The following SPAG16 variants were observed in gnomAD, a reference collection of about 807,000 sequenced individuals.
SPAG16 encodes sperm associated antigen 16, also known as sperm-associated antigen 16 protein.
In SPAG16, 86 loss-of-function variants were observed where a neutral mutation model predicts 80.4. That is an observed-to-expected ratio of 1.07 (90% CI 0.90 to 1.28). The LOEUF is 1.28. Among genes scored for constraint, SPAG16 ranks in the 50% most tolerant of loss-of-function variants. The pLI is 0.00. For missense variants in SPAG16, 870 were observed against 765.3 expected, an observed-to-expected ratio of 1.14 and a Z score of -1.61; for synonymous variants, 294 against 265.9, an observed-to-expected ratio of 1.11 and a Z score of -1.03.
At chr2:213,725,612 A>G (rs1250643151) in intron 10 of SPAG16, among the ~76,000 whole-genome samples, 2 of 152,188 alleles carry the variant, frequency 1.3e-5, no homozygotes, top group Non-Finnish European at 2.9e-5. Flanking sequence ...AGCATTTATT[A>G]GGGGAATTTA....
chr2:213,693,154 C>T (rs2065015530), intron 10 of SPAG16, among the ~76,000 whole-genome samples: 1 of 152,200 alleles, frequency 6.6e-6, no homozygotes, highest in Non-Finnish European at 1.5e-5. Flanking sequence ...TTCTTTTTGA[C>T]TCCTCCTGAA....
At chr2:213,672,631 AT>A (rs938751723) in intron 10 of SPAG16, among the ~76,000 whole-genome samples, 2 of 151,980 alleles carry the variant, frequency 1.3e-5, no homozygotes, top group African/African-American at 2.4e-5. Context: ...CATGTCATAT[AT>A]TTTTGCATCC....
At chr2:214,105,098 A>G (rs908130450) in intron 13 of SPAG16, among the ~76,000 whole-genome samples, 19 of 152,096 alleles carry the variant, frequency 1.2e-4, no homozygotes, top group African/African-American at 4.3e-4. Flanking sequence ...GCTGAATCCA[A>G]CCAGAGCCCA....
At chr2:214,394,798 C>A (rs1334707519) in intron 15 of SPAG16, among the ~76,000 whole-genome samples, 1 of 152,124 alleles carries the variant, frequency 6.6e-6, no homozygotes, top group African/African-American at 2.4e-5. Flanking sequence ...TGACGTATAT[C>A]CATCATGATA....
At chr2:213,997,904 A>G (rs2046605346) in intron 12 of SPAG16, among the ~76,000 whole-genome samples, 2 of 152,224 alleles carry the variant, frequency 1.3e-5, no homozygotes, top group African/African-American at 2.4e-5. Flanking sequence ...CATTGATACC[A>G]TCAAGAATGG....
At chr2:213,656,413 C>T (rs542366342) in intron 10 of SPAG16, among the ~76,000 whole-genome samples, 9 of 152,340 alleles carry the variant, frequency 5.9e-5, no homozygotes, top group African/African-American at 1.9e-4. Context: ...CCCGCCTCGG[C>T]CTCCCAAAGT....
intron 11 of SPAG16, among the ~76,000 whole-genome samples, chr2:213,876,117 A>T (rs1429407170): frequency 6.6e-6 from 1 of 152,164 alleles, no homozygotes; most frequent in Non-Finnish European, 1.5e-5. Flanking sequence ...CAGATTTGAC[A>T]TTGCGTGAAA....
At position 214,149,090 on chromosome 2, in the gene SPAG16, T is replaced by TAC. The variant is rs754641241; in HGVS notation, c.1594-49_1594-48insCA. 1.8e-4 allele frequency: 113 copies of TAC among 616,844 alleles called. 1 individual carries two copies. In the African/African-American group the frequency reaches 2.0e-3, roughly 11 times the overall value. 38.2% of individuals were successfully genotyped at this position (616,844 alleles called of 1,614,324 possible). A position where few individuals can be genotyped will look rare whatever the true frequency, so the allele number is the denominator to read the frequency against. On this transcript the variant is annotated intron_variant, in intron 14 of 15. Coordinates refer to ENST00000331683, the MANE Select transcript of SPAG16 (RefSeq NM_024532.5). ...GTGTGTGTGTGTGTATATATATATA[T>TAC]ATATATACATACATACACATTTTAT... is the stretch of plus-strand genomic sequence containing the variant.
intron 10 of SPAG16, among the ~76,000 whole-genome samples, chr2:213,708,479 A>G (rs2065848881): frequency 6.6e-6 from 1 of 152,098 alleles, no homozygotes; most frequent in African/African-American, 2.4e-5. Context: ...AGGCGGGTAG[A>G]TCACCTGAGG....
intron 9 of SPAG16, among the ~76,000 whole-genome samples, chr2:213,475,680 C>T (rs1030187338): frequency 3.3e-5 from 5 of 152,126 alleles, no homozygotes; most frequent in African/African-American, 1.2e-4. Flanking sequence ...TCTGTCCTAG[C>T]CTTCTGTTGT....
chr2:213,907,477 A>C (rs1258381849), intron 11 of SPAG16, among the ~76,000 whole-genome samples: 1 of 150,490 alleles, frequency 6.6e-6, no homozygotes, highest in Non-Finnish European at 1.5e-5. Flanking sequence ...AGGTTTCTCA[A>C]AAAAAAAAAA....
intron 1 of SPAG16, among the ~76,000 whole-genome samples, chr2:213,292,403 G>T (rs548021060): frequency 6.6e-6 from 1 of 151,972 alleles, no homozygotes; most frequent in Non-Finnish European, 1.5e-5. Flanking sequence ...GGTGGCTCAC[G>T]CCTGTAATCC....
chr2:214,262,341 C>A (rs1173652603), intron 15 of SPAG16, among the ~76,000 whole-genome samples: 1 of 151,904 alleles, frequency 6.6e-6, no homozygotes, highest in Non-Finnish European at 1.5e-5. Flanking sequence ...TTTGTAGGGT[C>A]TCTTGAATTA....
At chr2:213,602,311 A>G (rs1430714968) in intron 10 of SPAG16, among the ~76,000 whole-genome samples, 1 of 152,178 alleles carries the variant, frequency 6.6e-6, no homozygotes, top group Non-Finnish European at 1.5e-5. Context: ...ATTTAAAATA[A>G]CAGTGGGAAA....
chr2:213,437,335 A>G (rs1168351965), intron 9 of SPAG16, among the ~76,000 whole-genome samples: 1 of 152,228 alleles, frequency 6.6e-6, no homozygotes, highest in African/African-American at 2.4e-5. Context: ...GCTCTTATTT[A>G]TAAAATCAGC....
chr2:214,213,162 T>C (rs1445428418), intron 15 of SPAG16, among the ~76,000 whole-genome samples: 2 of 152,194 alleles, frequency 1.3e-5, no homozygotes, highest in Non-Finnish European at 2.9e-5. Context: ...CTTTTAAAAT[T>C]GATTTTCCCA....
chr2:214,064,878 A>G (rs1490015693), intron 13 of SPAG16, among the ~76,000 whole-genome samples: 8 of 152,172 alleles, frequency 5.3e-5, no homozygotes, highest in Non-Finnish European at 1.0e-4. Flanking sequence ...AAGAGGGTCT[A>G]TTTAATGCAG....
At chr2:213,610,264 G>A (rs2061399468) in intron 10 of SPAG16, among the ~76,000 whole-genome samples, 1 of 152,188 alleles carries the variant, frequency 6.6e-6, no homozygotes, top group Non-Finnish European at 1.5e-5. Flanking sequence ...CTGCAAAGCT[G>A]TCCTTTTGCA....
intron 9 of SPAG16, among the ~76,000 whole-genome samples, chr2:213,457,422 C>T (rs925096033): frequency 2.0e-5 from 3 of 152,168 alleles, no homozygotes; most frequent in Non-Finnish European, 2.9e-5. Context: ...TCTTGTACTT[C>T]ACACTTTGTT....
Sources: gnomAD v4.1 joint callset for allele counts (sites outside exome capture counted in the v4.1 genomes callset) on GRCh38, gnomAD v4.1.1 for gene constraint, MANE v1.5 for transcripts, NCBI Gene and HGNC (gene_info 2026-07-23, HGNC 2026-07-21) for gene names.